The following RBM47 variants were observed in gnomAD, a reference collection of about 807,000 sequenced individuals.
RBM47 encodes the protein RNA-binding protein 47.
A neutral mutation model predicts 47.1 loss-of-function variants in RBM47; 21 were observed. The ratio of observed to expected loss-of-function variants is 0.45; its 90% CI spans 0.32 to 0.64. RBM47 has a LOEUF of 0.64. RBM47 is among the 30% of genes least tolerant of loss of function. The pLI is 0.05. For missense variants in RBM47, 708 were observed against 870.9 expected, an observed-to-expected ratio of 0.81 and a Z score of 2.35; for synonymous variants, 375 against 361.7, an observed-to-expected ratio of 1.04 and a Z score of -0.42.
At chr4:40,466,265 CAAAAAAAAAAA>C (rs55805915) in intron 3 of RBM47, among the ~76,000 whole-genome samples, 3 of 91,668 alleles carry the variant, frequency 3.3e-5, no homozygotes, top group East Asian at 6.5e-4. Context: ...GAGACTGTCT[CAAAAAAAAAAA>C]AAAAAAAAAG....
At chr4:40,479,740 C>T (rs424048) in intron 2 of RBM47, among the ~76,000 whole-genome samples, 99,868 of 151,878 alleles carry the variant, frequency 0.66, 34,918 homozygotes, top group African/African-American at 0.92. Context: ...TGGGCTCAAG[C>T]GATCCTCCTC....
chr4:40,593,034 C>A (rs1376705415), intron 1 of RBM47, among the ~76,000 whole-genome samples: 1 of 104,292 alleles, frequency 9.6e-6, no homozygotes, highest in African/African-American at 3.8e-5. Context: ...CTGGCTCTGT[C>A]GCCCAGGCTG....
intron 1 of RBM47, among the ~76,000 whole-genome samples, chr4:40,595,100 T>C (rs1422591228): frequency 1.3e-5 from 2 of 152,218 alleles, no homozygotes; most frequent in Non-Finnish European, 2.9e-5. Flanking sequence ...CCCGTGTGCT[T>C]AACACTATGC....
In RBM47 at chr4:40,423,431, T is replaced by A. The variant is rs540976729; in HGVS notation, c.*2473A>T. 1.4e-4 allele frequency: 22 copies of A among 152,084 alleles called. No individual in the cohort carries two copies. Among genetic ancestry groups the A allele is most frequent in the African/African-American group, 5.1e-4 (21 of 41,542 alleles). 9.4% of individuals were successfully genotyped at this position (152,084 alleles called of 1,614,324 possible). A position where few individuals can be genotyped will look rare whatever the true frequency, so the allele number is the denominator to read the frequency against. On this transcript the variant is annotated 3_prime_UTR_variant, in exon 7 of 7. Coordinates refer to ENST00000295971, the MANE Select transcript of RBM47 (RefSeq NM_001098634.2). ...AAACAGAACTCTAAAACTTTTTTTT[T>A]ACATTTATATAGTTTGTTCTTAACA... is the stretch of plus-strand genomic sequence containing the variant.
intron 2 of RBM47, among the ~76,000 whole-genome samples, chr4:40,472,755 T>C (rs149460780): frequency 8.0e-4 from 121 of 152,168 alleles, no homozygotes; most frequent in African/African-American, 2.6e-3. Flanking sequence ...TAAGGTATCA[T>C]TTATGGATTT....
chr4:40,561,544 CTTTTTT>C (rs796381156), intron 1 of RBM47, among the ~76,000 whole-genome samples: 8 of 124,570 alleles, frequency 6.4e-5, no homozygotes, highest in African/African-American at 1.0e-4. Flanking sequence ...TTCTTCTTTT[CTTTTTT>C]TTTTCTTTTT....
intron 2 of RBM47, among the ~76,000 whole-genome samples, chr4:40,539,990 C>T (rs1728353370): frequency 6.6e-6 from 1 of 152,050 alleles, no homozygotes; most frequent in Non-Finnish European, 1.5e-5. Context: ...AATTTATTAA[C>T]TTACTTGGAA....
intron 2 of RBM47, among the ~76,000 whole-genome samples, chr4:40,520,779 T>C (rs572626867): frequency 7.9e-5 from 12 of 152,254 alleles, no homozygotes; most frequent in African/African-American, 2.9e-4. Context: ...CCAGGGGCTC[T>C]TGGTGCTTTC....
rs1410196499 is a variant in RBM47, at chr4:40,628,575, T to G, written c.-240+821A>C. On this transcript the variant is annotated intron_variant, in intron 1 of 6. Coordinates refer to ENST00000295971, the MANE Select transcript of RBM47 (RefSeq NM_001098634.2). The surrounding 1 kb of genome is among the most constrained non-coding windows in gnomAD (Gnocchi z 4.0). ...CTTTCCCTCCCCTGAGAAATTCGTA[T>G]GACCTTGCCTTAAAACTTTTAAAGA... Among the ~76,000 whole-genome samples the G allele has an allele frequency of 1.3e-5, 2 of 152,244 alleles. No individual in the cohort carries two copies. The highest frequency in any genetic ancestry group is 2.4e-5 in the African/African-American group (1 of 41,470).
At chr4:40,579,293 G>A (rs192271816) in intron 1 of RBM47, among the ~76,000 whole-genome samples, 47 of 151,308 alleles carry the variant, frequency 3.1e-4, no homozygotes, top group East Asian at 1.9e-3. Context: ...ATGGTGGCAC[G>A]CGCCTGTAGT....
intron 2 of RBM47, among the ~76,000 whole-genome samples, chr4:40,504,485 G>A (rs757126107): frequency 7.9e-5 from 12 of 151,882 alleles, no homozygotes; most frequent in Non-Finnish European, 1.6e-4. Context: ...TAGAAACGGG[G>A]TTTCACCATG....
intron 1 of RBM47, among the ~76,000 whole-genome samples, chr4:40,561,087 A>T (rs142886778): frequency 5.3e-4 from 81 of 152,270 alleles, no homozygotes; most frequent in African/African-American, 1.9e-3. Flanking sequence ...TTACCTCCCA[A>T]CAATCAAGCC....
At chr4:40,562,715 C>T (rs551682763) in intron 1 of RBM47, among the ~76,000 whole-genome samples, 64 of 152,194 alleles carry the variant, frequency 4.2e-4, no homozygotes, top group Non-Finnish European at 8.5e-4. Context: ...ACCTGCCCAC[C>T]TCGGCCTCCC....
chr4:40,463,815 A>G (rs1353868957), intron 3 of RBM47, among the ~76,000 whole-genome samples: 2 of 151,960 alleles, frequency 1.3e-5, no homozygotes, highest in African/African-American at 4.8e-5. Context: ...TTGAGTATCT[A>G]TAAAAATATT....
At chr4:40,461,291 C>T (rs1012982413) in intron 3 of RBM47, among the ~76,000 whole-genome samples, 7 of 152,122 alleles carry the variant, frequency 4.6e-5, no homozygotes, top group Non-Finnish European at 1.0e-4. Flanking sequence ...AGTAAAAACG[C>T]CCAGATTTGA....
chr4:40,509,615 C>A (rs918360183), intron 2 of RBM47, among the ~76,000 whole-genome samples: 1 of 152,178 alleles, frequency 6.6e-6, no homozygotes, highest in Non-Finnish European at 1.5e-5. Context: ...GGCGCGGTGG[C>A]TTACGCCTGT....
chr4:40,624,860 CTTTTTT>C (rs1172791380), intron 1 of RBM47, among the ~76,000 whole-genome samples: 14 of 119,650 alleles, frequency 1.2e-4, no homozygotes, highest in African/African-American at 2.9e-4. Context: ...TTTTCTTTTT[CTTTTTT>C]TTTTTTTTTT....
At chr4:40,505,501 A>G (rs562744313) in intron 2 of RBM47, among the ~76,000 whole-genome samples, 2 of 152,050 alleles carry the variant, frequency 1.3e-5, no homozygotes, top group Admixed American at 6.6e-5. Context: ...GTGTAAAAAA[A>G]AAAAAGATGC....
chr4:40,547,020 G>C (rs1037681753), intron 1 of RBM47, among the ~76,000 whole-genome samples: 5 of 152,206 alleles, frequency 3.3e-5, no homozygotes, highest in African/African-American at 1.2e-4. Flanking sequence ...AGGGACCAGA[G>C]TAGAGATCAG....
Sources: gnomAD v4.1 joint callset for allele counts (sites outside exome capture counted in the v4.1 genomes callset) on GRCh38, gnomAD v4.1.1 for gene constraint, Gnocchi (gnomAD v3.1) non-coding constraint, MANE v1.5 for transcripts, NCBI Gene and HGNC (gene_info 2026-07-23, HGNC 2026-07-21) for gene names.